PECAM1: variants seen among roughly 807,000 people sequenced by gnomAD.
PECAM1 encodes platelet endothelial cell adhesion molecule.
Under a neutral mutation model 13.8 loss-of-function variants are expected in PECAM1, and 8 were observed. The observed-to-expected ratio is 0.58, with a 90% CI of 0.34 to 1.05. The LOEUF is 1.05. PECAM1 is among the 50% of genes least tolerant of loss of function. The probability of loss-of-function intolerance (pLI) is 0.03; values close to 1 mark genes in which losing one functional copy is unlikely to be tolerated. For missense variants in PECAM1, 304 were observed against 141.2 expected (o/e 2.15, Z -5.84); for synonymous variants, 136 against 52.6 (o/e 2.58, Z -6.86).
intron 14 of PECAM1, among the ~76,000 whole-genome samples, chr17:64,330,998 C>CTCTT (rs1169537045): frequency 6.6e-6 from 1 of 152,118 alleles, no homozygotes; most frequent in Non-Finnish European, 1.5e-5. Flanking sequence ...CAAGTTTTTG[C>CTCTT]TCTTTTCAAT....
chr17:64,387,591 C>G (rs2036625533), intron 2 of PECAM1, among the ~76,000 whole-genome samples: 1 of 152,080 alleles, frequency 6.6e-6, no homozygotes, highest in East Asian at 1.9e-4. Flanking sequence ...GAGGAAGGGT[C>G]TCAGCCTAAG....
At chr17:64,380,095 G>A (rs1207990912) in intron 2 of PECAM1, among the ~76,000 whole-genome samples, 1 of 151,834 alleles carries the variant, frequency 6.6e-6, no homozygotes, top group Non-Finnish European at 1.5e-5. Flanking sequence ...ACTTTGAGAG[G>A]CCAAGGTGGG....
At chr17:64,330,183 T>A (rs781939314) in intron 14 of PECAM1, among the ~76,000 whole-genome samples, 1 of 151,812 alleles carries the variant, frequency 6.6e-6, no homozygotes, top group Non-Finnish European at 1.5e-5. Flanking sequence ...GCCTGGCTAA[T>A]TTTTTTTGTA....
intron 3 of PECAM1, 145 bp from the exon 4 acceptor site, chr17:64,375,501 C>A (rs2036336691): frequency 2.5e-6 from 1 of 397,670 alleles, no homozygotes. Flanking sequence ...CTCTGAACAC[C>A]CAGTGCGACC....
At chr17:64,364,978 T>C (rs2036070536) in intron 5 of PECAM1, among the ~76,000 whole-genome samples, 3 of 151,214 alleles carry the variant, frequency 2.0e-5, no homozygotes, top group Non-Finnish European at 3.0e-5. Context: ...CCAGGGCAAT[T>C]AGGCAGGAGA....
chr17:64,388,966 T>C (rs1598063193), intron 2 of PECAM1, among the ~76,000 whole-genome samples: 5 of 151,984 alleles, frequency 3.3e-5, no homozygotes, highest in Non-Finnish European at 7.4e-5. Context: ...ACGCGGCTGG[T>C]AAAATCGGTT....
intron 4 of PECAM1, among the ~76,000 whole-genome samples, chr17:64,373,373 G>C (rs948392017): frequency 1.2e-4 from 19 of 152,022 alleles, no homozygotes; most frequent in Non-Finnish European, 2.9e-5. Flanking sequence ...TGCAGAGATG[G>C]CCCATCCCTA....
chr17:64,382,343 C>T (rs28523558), intron 2 of PECAM1, among the ~76,000 whole-genome samples: 14,126 of 152,136 alleles, frequency 0.093, 2,206 homozygotes, highest in African/African-American at 0.32. Flanking sequence ...CTGCTACTAA[C>T]AAAGCTGTGT....
At chr17:64,384,465 A>G (rs2036550459) in intron 2 of PECAM1, among the ~76,000 whole-genome samples, 1 of 152,126 alleles carries the variant, frequency 6.6e-6, no homozygotes, top group Non-Finnish European at 1.5e-5. Context: ...ATTAACCAAC[A>G]AAATACTCCA....
chr17:64,353,333 ACACACAC>A (rs2035774439), intron 10 of PECAM1, among the ~76,000 whole-genome samples, 151 bp downstream of exon 10: 2 of 145,902 alleles, frequency 1.4e-5, no homozygotes, highest in African/African-American at 2.5e-5. Flanking sequence ...ACACACACAC[ACACACAC>A]AACTCACACA....
At chr17:64,388,017 G>GC (rs1245568925) in intron 2 of PECAM1, among the ~76,000 whole-genome samples, 2 of 152,162 alleles carry the variant, frequency 1.3e-5, no homozygotes, top group Non-Finnish European at 2.9e-5. Context: ...GTGCCTTGTG[G>GC]CCTCTGGGTC....
chr17:64,368,899 A>G (rs1328222399), intron 5 of PECAM1, among the ~76,000 whole-genome samples: 3 of 143,924 alleles, frequency 2.1e-5, no homozygotes, highest in African/African-American at 7.7e-5. Flanking sequence ...TAAACCCATC[A>G]TGCAATGTTC....
chr17:64,360,465 GCAT>G (rs1321305987), intron 6 of PECAM1, 50 bp from the exon 7 acceptor site: 5 of 467,178 alleles, frequency 1.1e-5, no homozygotes, highest in Non-Finnish European at 1.2e-5. Context: ...TAAAAGCAAA[GCAT>G]CCAGCACAAG....
At chr17:64,333,693 G>A (rs1267067170) in intron 14 of PECAM1, among the ~76,000 whole-genome samples, 3 of 151,840 alleles carry the variant, frequency 2.0e-5, no homozygotes, top group Non-Finnish European at 4.4e-5. Flanking sequence ...AAAGTGGGCT[G>A]GGCATTGTAA....
At chr17:64,353,306 T>TAC (rs138867178) in intron 10 of PECAM1, among the ~76,000 whole-genome samples, 185 bp downstream of exon 10, 5,244 of 28,280 alleles carry the variant, frequency 0.19, 263 homozygotes, top group African/African-American at 0.2. Context: ...TCCACGGAGG[T>TAC]ACACACACAC....
At position 64,349,587 on chromosome 17, in the gene PECAM1, C is replaced by CAAAAAA. The variant is rs72236584; in HGVS notation, c.2044+787_2044+792dup. On this transcript the variant is annotated intron_variant, in intron 12 of 15. Transcript: ENST00000563924. Reference sequence around the variant, plus strand: ...TGGGTGACAGAGTAAGACTCTGTATCAAAAAAAAAAAAAAAAGAGCCAGGC... The same window carrying CAAAAAA: ...TGGGTGACAGAGTAAGACTCTGTATCAAAAAAAAAAAAAAAAAAAAAAGAGCCAGGC... Among the ~76,000 whole-genome samples the CAAAAAA allele has an allele frequency of 2.2e-4, 14 of 64,152 alleles. 1 individual carries two copies. The highest frequency in any genetic ancestry group is 2.7e-4 in the Non-Finnish European group (9 of 32,822). 42.1% of individuals were successfully genotyped at this position (64,152 alleles called of 152,430 possible). A position where few individuals can be genotyped will look rare whatever the true frequency, so the allele number is the denominator to read the frequency against.
intron 14 of PECAM1, among the ~76,000 whole-genome samples, chr17:64,339,176 C>T (rs1402435753): frequency 5.3e-5 from 8 of 152,232 alleles, no homozygotes; most frequent in Non-Finnish European, 8.8e-5. Flanking sequence ...CAGCGAGGAT[C>T]CCTGCAGCTT....
intron 13 of PECAM1, among the ~76,000 whole-genome samples, chr17:64,342,021 C>T (rs1289286749): frequency 2.0e-5 from 3 of 151,886 alleles, no homozygotes; most frequent in Non-Finnish European, 4.4e-5. Flanking sequence ...CATGGTGGTG[C>T]GTGCCTGTGA....
chr17:64,356,810 C>T (rs1267929309), intron 7 of PECAM1, among the ~76,000 whole-genome samples: 1 of 152,144 alleles, frequency 6.6e-6, no homozygotes, highest in African/African-American at 2.4e-5. Flanking sequence ...TCTTGACCCA[C>T]TGCCTTCTCT....
Sources: gnomAD v4.1 joint callset for allele counts (sites outside exome capture counted in the v4.1 genomes callset) on GRCh38, gnomAD v4.1.1 for gene constraint, MANE v1.5 for transcripts, NCBI Gene and HGNC (gene_info 2026-07-23, HGNC 2026-07-21) for gene names.